Variants in TNC observed in about 807,000 individuals in gnomAD.
TNC encodes tenascin C.
In TNC, 109 loss-of-function variants were observed where a neutral mutation model predicts 202.4. The ratio of observed to expected loss-of-function variants is 0.54; its 90% CI spans 0.46 to 0.63. TNC has a LOEUF of 0.63. Ranked by LOEUF, TNC falls within the 30% of genes least tolerant of loss-of-function variation. The pLI, the probability that TNC is intolerant of heterozygous loss-of-function variation, is 0.00. For synonymous variants in TNC, 1,007 were observed against 1,089.7 expected, an observed-to-expected ratio of 0.92 and a Z score of 1.50; for missense variants, 2,756 against 2,833.3, an observed-to-expected ratio of 0.97 and a Z score of 0.62.
At chr9:115,041,936 T>C (rs1294946684) in intron 18 of TNC, among the ~76,000 whole-genome samples, 1 of 152,204 alleles carries the variant, frequency 6.6e-6, no homozygotes, top group East Asian at 1.9e-4. Flanking sequence ...TTTAGAATCT[T>C]TTGCCATTGT....
intron 10 of TNC, among the ~76,000 whole-genome samples, chr9:115,066,988 G>A (rs984703999): frequency 2.6e-5 from 4 of 152,076 alleles, no homozygotes; most frequent in African/African-American, 7.2e-5. Context: ...CTTTAACCCC[G>A]ACTCATATCC....
At chr9:115,048,725 C>A (rs934852732) in intron 15 of TNC, among the ~76,000 whole-genome samples, 193 bp from the exon 16 acceptor site, 1 of 152,112 alleles carries the variant, frequency 6.6e-6, no homozygotes, top group Non-Finnish European at 1.5e-5. Flanking sequence ...CTTAATAGCC[C>A]ATGAGGTAGG....
intron 17 of TNC, 27 bp downstream of exon 17, chr9:115,046,383 C>G: frequency 6.2e-7 from 1 of 1,608,794 alleles, no homozygotes; most frequent in Non-Finnish European, 8.5e-7. Flanking sequence ...TGACTTTTCT[C>G]TGTTCTCTCC....
intron 10 of TNC, among the ~76,000 whole-genome samples, chr9:115,065,671 G>T (rs118116849): frequency 6.6e-6 from 1 of 152,060 alleles, no homozygotes; most frequent in Non-Finnish European, 1.5e-5. Flanking sequence ...AGAGGCCAAG[G>T]TGGGCAGATC....
chr9:115,034,003 T>A (rs1374733131), intron 22 of TNC, among the ~76,000 whole-genome samples: 1 of 152,190 alleles, frequency 6.6e-6, no homozygotes, highest in Non-Finnish European at 1.5e-5. Context: ...TGGAGTGTGG[T>A]TGAACAAAGG....
At position 115,077,963 on chromosome 9, in the gene TNC, G is replaced by T. The variant is rs1226154238; in HGVS notation, c.2654C>A (p.Ala885Asp). The change falls in exon 7 of 28, where the codon GCC becomes GAC. Residue 885 changes from alanine (A) to aspartate (D), a missense_variant. Around this residue, in one of 2 missense-constraint regions of TNC, gnomAD observed 2,559 missense variants for 2,546.0 expected, o/e 1.01. Coordinates refer to ENST00000350763, the MANE Select transcript of TNC (RefSeq NM_002160.4). ...TTTACCTGTTGTGAAGGTCTCTTTG[G>T]CTGGGTTGCTTGACATGTCACCTCT... ...SRRGDMSSNP[A>D]KETFTTGLDA... The T allele has an allele frequency of 1.9e-6, 3 of 1,613,994 alleles. No homozygotes were observed. Among genetic ancestry groups the T allele is most frequent in the African/African-American group, 1.3e-5 (1 of 74,908 alleles).
At chr9:115,056,723 G>A (rs1013325760) in intron 15 of TNC, among the ~76,000 whole-genome samples, 6 of 152,144 alleles carry the variant, frequency 3.9e-5, no homozygotes, top group African/African-American at 1.4e-4. Context: ...AAATCACTGG[G>A]ATATTTGGGT....
intron 2 of TNC, among the ~76,000 whole-genome samples, chr9:115,089,505 T>C (rs1343535262): frequency 1.3e-5 from 2 of 148,440 alleles, no homozygotes; most frequent in African/African-American, 5.0e-5. Flanking sequence ...TCTCTCTCTA[T>C]CTCTTTTTTT....
chr9:115,086,011 C>A lies in TNC; in HGVS notation c.1720G>T (p.Val574Leu). ...PSDCHGQGRC[V>L]DGQCICHEGF... ...TCGTGGCAGATGCACTGGCCGTCCA[C>A]GCAGCGGCCCTGGCCATGACAGTCA... The change falls in exon 3 of 28, where the codon GTG becomes TTG. Residue 574 changes from valine to leucine, a missense_variant. Transcript: ENST00000350763. 2 of 1,613,970 alleles carry A rather than the reference C, an allele frequency of 1.2e-6. No homozygotes were observed. The highest frequency in any genetic ancestry group is 1.7e-6 in the Non-Finnish European group (2 of 1,179,926).
chr9:115,049,345 C>T (rs929610640), intron 15 of TNC, among the ~76,000 whole-genome samples: 1 of 152,102 alleles, frequency 6.6e-6, no homozygotes, highest in Non-Finnish European at 1.5e-5. Flanking sequence ...TTGATACTTG[C>T]CAACTGACAA....
intron 1 of TNC, among the ~76,000 whole-genome samples, chr9:115,104,356 A>C (rs75653507): frequency 4.6e-5 from 7 of 152,158 alleles, no homozygotes; most frequent in Admixed American, 1.3e-4. Context: ...AAATAAGAGA[A>C]CTTCTGAATA....
intron 1 of TNC, among the ~76,000 whole-genome samples, chr9:115,108,593 C>G (rs1836795957): frequency 6.6e-6 from 1 of 152,184 alleles, no homozygotes; most frequent in Admixed American, 6.5e-5. Context: ...GCAAATATCA[C>G]TACCTGAAAT....
chr9:115,073,666 C>T lies in TNC; in HGVS notation c.3151G>A (p.Val1051Ile). Residue 1051 changes from valine to isoleucine, a missense_variant, in exon 10 of 28, where the codon GTC (valine) becomes ATC (isoleucine). Physicochemically the swap from Val to Ile is conservative, Grantham distance 29. Coordinates refer to ENST00000350763, the MANE Select transcript of TNC (RefSeq NM_002160.4). ...RGLEPGQEYN[V>I]LLTAEKGRHK... is the part of the protein sequence containing the mutation. ...CTGCCTTTCTCGGCTGTCAGGAGGA[C>T]ATTGTACTCCTGTCCTGGTTCCAGG... is the stretch of plus-strand genomic sequence containing the variant. 2 of 1,614,176 alleles carry T rather than the reference C, an allele frequency of 1.2e-6. No individual in the cohort carries two copies. Among genetic ancestry groups the T allele is most frequent in the South Asian group, 1.1e-5 (1 of 91,082 alleles).
Position 115,029,441 on chromosome 9 carries a change from T to C in TNC, c.6088A>G (p.Lys2030Glu). ...TGGTAGAAGTTCTCGCGTCCGTTTT[T>C]GCGTCTCAGGAACACCTATAAACAT... ...GGGWIVFLRR[K>E]NGRENFYQNW... The change falls in exon 25 of 28, where the codon AAA becomes GAA. Residue 2030 changes from lysine (K) to glutamate (E), a missense_variant. By Grantham distance (56) the Lys-to-Glu change is moderately conservative. Transcript: ENST00000350763. The C allele has an allele frequency of 1.9e-6, 3 of 1,614,158 alleles. No individual in the cohort carries two copies. The East Asian group carries it at 6.7e-5, about 36-fold the overall frequency.
chr9:115,099,429 C>T (rs963175735), intron 1 of TNC, among the ~76,000 whole-genome samples: 2 of 152,190 alleles, frequency 1.3e-5, no homozygotes, highest in African/African-American at 4.8e-5. Context: ...ATCTGCTCTA[C>T]ATCAGTCAAA....
chr9:115,088,878 T>G (rs918580822), intron 2 of TNC, among the ~76,000 whole-genome samples: 3 of 152,168 alleles, frequency 2.0e-5, no homozygotes, highest in Non-Finnish European at 2.9e-5. Context: ...GAAGTATCCA[T>G]TAATAATTTT....
At chr9:115,107,964 G>A (rs537363147) in intron 1 of TNC, among the ~76,000 whole-genome samples, 2 of 152,294 alleles carry the variant, frequency 1.3e-5, no homozygotes, top group Admixed American at 6.5e-5. Flanking sequence ...AAGCCAAGGT[G>A]TACTGTTTGC....
intron 1 of TNC, among the ~76,000 whole-genome samples, chr9:115,096,553 T>A (rs1835809126): frequency 6.6e-6 from 1 of 152,216 alleles, no homozygotes; most frequent in African/African-American, 2.4e-5. Context: ...GAAGAGTCTA[T>A]AAGAAAGTTT....
intron 20 of TNC, among the ~76,000 whole-genome samples, chr9:115,036,687 G>A (rs993551106): frequency 6.6e-6 from 1 of 152,140 alleles, no homozygotes; most frequent in Non-Finnish European, 1.5e-5. Flanking sequence ...TTAGGCTGAG[G>A]GGTCACAAAA....
Sources: allele counts gnomAD v4.1 joint callset (sites outside exome capture counted in the v4.1 genomes callset), GRCh38; gene constraint gnomAD v4.1.1; regional missense constraint gnomAD v4.1.1; transcripts MANE v1.5; gene names NCBI Gene and HGNC (gene_info 2026-07-23, HGNC 2026-07-21).